Variants in ATP10B observed in about 807,000 individuals in gnomAD.
ATP10B encodes the protein phospholipid-transporting ATPase VB.
A neutral mutation model predicts 141.2 loss-of-function variants in ATP10B; 122 were observed. That is an observed-to-expected ratio of 0.86 (90% CI 0.75 to 1.00). The LOEUF is 1.00. ATP10B is among the 50% of genes least tolerant of loss of function. The pLI is 0.00. For missense variants in ATP10B, 1,876 were observed against 1,825.3 expected (o/e 1.03, Z -0.51); for synonymous variants, 685 against 692.0 (o/e 0.99, Z 0.16).
intron 25 of ATP10B, among the ~76,000 whole-genome samples, chr5:160,567,570 G>T (rs1423334057): frequency 1.3e-5 from 2 of 152,110 alleles, no homozygotes; most frequent in Non-Finnish European, 2.9e-5. Context: ...TGGCTTGGGG[G>T]AAAGGTTTAC....
At chr5:160,801,659 A>G (rs910066424) in intron 1 of ATP10B, among the ~76,000 whole-genome samples, 5 of 152,152 alleles carry the variant, frequency 3.3e-5, no homozygotes, top group Non-Finnish European at 7.3e-5. Context: ...CAAATCAGGT[A>G]TCCAGGTAAA....
chr5:160,673,810 C>CT (rs1424960051), intron 6 of ATP10B, among the ~76,000 whole-genome samples: 1 of 152,162 alleles, frequency 6.6e-6, no homozygotes, highest in Non-Finnish European at 1.5e-5. Context: ...CTGGGAAAAC[C>CT]TGTTAAATAT....
the ATP10B span, among the ~76,000 whole-genome samples, chr5:160,906,766 C>T: frequency 2.6e-5 from 4 of 152,112 alleles, no homozygotes; most frequent in Non-Finnish European, 4.4e-5. Context: ...TCCTCCTGCT[C>T]GACATGGAGT....
chr5:160,602,162 C>T (rs1561643872), intron 21 of ATP10B, among the ~76,000 whole-genome samples: 1 of 152,156 alleles, frequency 6.6e-6, no homozygotes, highest in Non-Finnish European at 1.5e-5. Flanking sequence ...ACGCTAATCA[C>T]TTTATATACA....
chr5:160,894,957 C>A, the ATP10B span, among the ~76,000 whole-genome samples: 2 of 152,140 alleles, frequency 1.3e-5, no homozygotes, highest in Non-Finnish European at 2.9e-5. Context: ...TCAAACTAAG[C>A]TTCATAAGTG....
In ATP10B at chr5:160,688,779, G is replaced by A. The variant is rs1487372735; in HGVS notation, c.-40C>T. 1.0e-6 allele frequency: 1 copy of A among 985,348 alleles called. No individual in the cohort carries two copies. Among genetic ancestry groups the A allele is most frequent in the Admixed American group, 6.1e-5 (1 of 16,268 alleles). 61.0% of individuals were successfully genotyped at this position (985,348 alleles called of 1,614,324 possible). On this transcript the variant is annotated 5_prime_UTR_variant, in exon 4 of 26. Coordinates refer to ENST00000327245, the MANE Select transcript of ATP10B (RefSeq NM_025153.3). ...ACTCACCTGTGGCCGGAACCTCAAAGGAGAGTGATAAGTAGAATAGATGGG... is the reference window on the plus strand; with the variant it reads ...ACTCACCTGTGGCCGGAACCTCAAAAGAGAGTGATAAGTAGAATAGATGGG...
intron 19 of ATP10B, 36 bp from the exon 20 acceptor site, chr5:160,604,077 T>TC: frequency 6.5e-7 from 1 of 1,536,364 alleles, no homozygotes; most frequent in Non-Finnish European, 9.0e-7. Flanking sequence ...TTATTTTTGG[T>TC]CCAACTGCTC....
chr5:160,895,213 TTAAATA>T, the ATP10B span, among the ~76,000 whole-genome samples: 1 of 124,726 alleles, frequency 8.0e-6, no homozygotes, highest in African/African-American at 2.7e-5. Context: ...AATATTAATC[TTAAATA>T]TAAACAGGCT....
intron 25 of ATP10B, 78 bp downstream of exon 25, chr5:160,569,418 G>T (rs758781976): frequency 6.9e-7 from 1 of 1,443,772 alleles, no homozygotes; most frequent in Non-Finnish European, 9.6e-7. Context: ...TCAAACTCCT[G>T]ACTCTTGGGT....
At position 160,634,480 on chromosome 5, in the gene ATP10B, T is replaced by G; in HGVS notation, c.1255A>C (p.Asn419His). The change falls in exon 12 of 26, where the codon AAC (asparagine) becomes CAC (histidine). Residue 419 changes from asparagine (N) to histidine (H), a missense_variant. Coordinates refer to ENST00000327245, the MANE Select transcript of ATP10B (RefSeq NM_025153.3). ...ATCTGGCCCAAGTCCTCTGCGATGT[T>G]GAGGGCTCGACATTGAATGGATAAA... The part of the protein sequence containing the change: ...TDLSIQCRAL[N>H]IAEDLGQIQY... 1 of 1,614,186 alleles carries G rather than the reference T, an allele frequency of 6.2e-7. No homozygotes were observed. The highest frequency in any genetic ancestry group is 8.5e-7 in the Non-Finnish European group (1 of 1,180,026).
chr5:160,867,258 C>T, the ATP10B span, among the ~76,000 whole-genome samples: 1 of 151,748 alleles, frequency 6.6e-6, no homozygotes, highest in Non-Finnish European at 1.5e-5. Flanking sequence ...GTGGCTATTA[C>T]CACTCAATAA....
intron 22 of ATP10B, among the ~76,000 whole-genome samples, chr5:160,591,458 G>C (rs533058398): frequency 6.6e-6 from 1 of 152,332 alleles, no homozygotes; most frequent in East Asian, 1.9e-4. Context: ...TAAGTACTCA[G>C]GCCTTAGTGC....
At chr5:160,625,553 A>T (rs550775578) in intron 13 of ATP10B, among the ~76,000 whole-genome samples, 1 of 152,342 alleles carries the variant, frequency 6.6e-6, no homozygotes, top group South Asian at 2.1e-4. Context: ...TGTCAGAAGG[A>T]GGAAACTGCT....
the ATP10B span, among the ~76,000 whole-genome samples, chr5:160,911,225 A>G: frequency 3.7e-4 from 56 of 152,218 alleles, no homozygotes; most frequent in Non-Finnish European, 6.9e-4. Context: ...TTCATGGCTC[A>G]GAGGACAAAG....
At chr5:160,816,954 A>ATG (rs1561886588) in intron 1 of ATP10B, among the ~76,000 whole-genome samples, 275 of 152,282 alleles carry the variant, frequency 1.8e-3, no homozygotes, top group African/African-American at 6.4e-3. Flanking sequence ...ATTCAACAGC[A>ATG]CTTCATGCTA....
At chr5:160,917,858 T>C in the ATP10B span, among the ~76,000 whole-genome samples, 1 of 152,234 alleles carries the variant, frequency 6.6e-6, no homozygotes, top group East Asian at 1.9e-4. Context: ...GCTGGCTGAG[T>C]GTTCCAAGGA....
In ATP10B at chr5:160,606,856, C is replaced by T. The variant is rs1323500010; in HGVS notation, c.3069G>A (p.Arg1023=). Residue 1023 remains arginine, a synonymous_variant, in exon 19 of 26, where the codon CGG becomes CGA. Coordinates refer to ENST00000327245, the MANE Select transcript of ATP10B (RefSeq NM_025153.3). ...GCGTGGAGCGGCAGCACAGGACGGA[C>T]CGACAATACTGGGTCAATTCCAGAA... is the stretch of plus-strand genomic sequence containing the variant. The part of the protein sequence containing the change: ...KKFLELTQYC[R]SVLCCRSTPL... The T allele has an allele frequency of 6.2e-7, 1 of 1,614,114 alleles. No homozygotes were observed. Among genetic ancestry groups the T allele is most frequent in the Non-Finnish European group, 8.5e-7 (1 of 1,179,970 alleles).
chr5:160,767,413 T>C (rs1423575734), intron 2 of ATP10B, among the ~76,000 whole-genome samples: 1 of 152,124 alleles, frequency 6.6e-6, no homozygotes, highest in Admixed American at 6.6e-5. Flanking sequence ...TTCATCCCCT[T>C]TTTCCAAATG....
chr5:160,685,872 A>C (rs987045550), intron 6 of ATP10B, among the ~76,000 whole-genome samples: 2 of 152,174 alleles, frequency 1.3e-5, no homozygotes, highest in African/African-American at 4.8e-5. Context: ...AGATGTCAGT[A>C]GTACCCCCTA....
Sources: gnomAD v4.1 joint callset for allele counts (sites outside exome capture counted in the v4.1 genomes callset) on GRCh38, gnomAD v4.1.1 for gene constraint, MANE v1.5 for transcripts, NCBI Gene and HGNC (gene_info 2026-07-23, HGNC 2026-07-21) for gene names.